Variants in PPARGC1A observed in about 807,000 individuals in gnomAD.
The protein encoded by PPARGC1A is peroxisome proliferator-activated receptor gamma coactivator 1-alpha.
In PPARGC1A, 25 loss-of-function variants were observed where a neutral mutation model predicts 88.7. The ratio of observed to expected loss-of-function variants is 0.28; its 90% CI spans 0.21 to 0.39. The LOEUF (loss-of-function observed/expected upper bound fraction) is 0.39, where lower values mean the gene tolerates loss of function less well. Ranked by LOEUF, PPARGC1A falls within the 10% of genes least tolerant of loss-of-function variation. The probability of loss-of-function intolerance (pLI) is 1.00; values close to 1 mark genes in which losing one functional copy is unlikely to be tolerated. For missense variants in PPARGC1A, 880 were observed against 968.7 expected (o/e 0.91, Z 1.22); for synonymous variants, 363 against 355.6 (o/e 1.02, Z -0.24).
chr4:24,277,917 G>A, the PPARGC1A span, among the ~76,000 whole-genome samples: 2 of 152,090 alleles, frequency 1.3e-5, no homozygotes, highest in African/African-American at 2.4e-5. Context: ...GCTCATACCC[G>A]TAACCCCAGG....
the PPARGC1A span, among the ~76,000 whole-genome samples, chr4:24,400,246 T>C: frequency 7.9e-5 from 12 of 152,296 alleles, no homozygotes; most frequent in East Asian, 1.5e-3. Context: ...GAGATTAACA[T>C]TGGAGTCAGA....
At chr4:23,902,808 A>T (rs1719566955), upstream of PPARGC1A, among the ~76,000 whole-genome samples, 1 of 152,208 alleles carries the variant, frequency 6.6e-6, no homozygotes, top group African/African-American at 2.4e-5. Flanking sequence ...TGTTGCATTT[A>T]TAATGTAGCT....
chr4:23,983,564 T>G, the PPARGC1A span, among the ~76,000 whole-genome samples: 544 of 152,198 alleles, frequency 3.6e-3, 6 homozygotes, highest in African/African-American at 0.012. Flanking sequence ...GGCCAAAATA[T>G]GTAAAGTTTG....
At chr4:23,934,717 C>A in the PPARGC1A span, among the ~76,000 whole-genome samples, 1 of 152,174 alleles carries the variant, frequency 6.6e-6, no homozygotes, top group African/African-American at 2.4e-5. Flanking sequence ...CTGAGTTAGG[C>A]ACTATGATAT....
At chr4:23,814,825 A>C (rs1387204727) in intron 7 of PPARGC1A, among the ~76,000 whole-genome samples, 1 of 152,094 alleles carries the variant, frequency 6.6e-6, no homozygotes, top group Non-Finnish European at 1.5e-5. Context: ...TACAGTGCTG[A>C]GCAGGAGGCT....
the PPARGC1A span, among the ~76,000 whole-genome samples, chr4:23,971,483 C>T: frequency 6.6e-6 from 1 of 152,270 alleles, no homozygotes; most frequent in Non-Finnish European, 1.5e-5. Context: ...CAGAGTCCCA[C>T]AATAGGCCGT....
chr4:24,386,055 A>C, the PPARGC1A span, among the ~76,000 whole-genome samples: 1 of 152,184 alleles, frequency 6.6e-6, no homozygotes, highest in Non-Finnish European at 1.5e-5. Flanking sequence ...TGATCAAGTC[A>C]GCTTCATCCC....
chr4:23,913,261 TATATATAGAGAG>T, the PPARGC1A span, among the ~76,000 whole-genome samples: 106 of 54,584 alleles, frequency 1.9e-3, no homozygotes, highest in Admixed American at 3.6e-3. Flanking sequence ...TATATATATA[TATATATAGAGAG>T]AGAGAGAGAG....
At chr4:23,804,722 G>A (rs543154737) in intron 10 of PPARGC1A, among the ~76,000 whole-genome samples, 3 of 152,130 alleles carry the variant, frequency 2.0e-5, no homozygotes, top group Admixed American at 6.5e-5. Context: ...GCTTCTATTA[G>A]TCTAGTATAT....
chr4:23,888,828 C>A (rs1388154342), intron 1 of PPARGC1A: 1 of 525,386 alleles, frequency 1.9e-6, no homozygotes, highest in Non-Finnish European at 2.4e-6. Context: ...GCTTGATCCT[C>A]CCCCTTACCC....
At chr4:24,299,865 T>C in the PPARGC1A span, among the ~76,000 whole-genome samples, 1 of 152,182 alleles carries the variant, frequency 6.6e-6, no homozygotes, top group Non-Finnish European at 1.5e-5. Flanking sequence ...TTCAGAAATA[T>C]AAAATGTTCG....
At chr4:23,954,713 A>C in the PPARGC1A span, among the ~76,000 whole-genome samples, 1 of 152,036 alleles carries the variant, frequency 6.6e-6, no homozygotes, top group African/African-American at 2.4e-5. Context: ...GGATTGTTTC[A>C]TATTCGGGGC....
intron 2 of PPARGC1A, among the ~76,000 whole-genome samples, chr4:23,879,103 T>C (rs1230608413): frequency 2.6e-5 from 4 of 152,220 alleles, no homozygotes; most frequent in Non-Finnish European, 5.9e-5. Flanking sequence ...AAAGTGATTA[T>C]TGTAAATTAA....
chr4:23,828,017 C>T (rs1468353349), intron 5 of PPARGC1A, among the ~76,000 whole-genome samples: 1 of 152,080 alleles, frequency 6.6e-6, no homozygotes, highest in Non-Finnish European at 1.5e-5. Flanking sequence ...ATCACTGGTG[C>T]CTCATTTTTT....
chr4:24,423,730 A>G, the PPARGC1A span, among the ~76,000 whole-genome samples: 1 of 152,222 alleles, frequency 6.6e-6, no homozygotes, highest in East Asian at 1.9e-4. Context: ...ACAATTCATT[A>G]CCTGTCTCAG....
chr4:24,050,953 C>CG, the PPARGC1A span, among the ~76,000 whole-genome samples: 1 of 151,954 alleles, frequency 6.6e-6, no homozygotes, highest in Non-Finnish European at 1.5e-5. Context: ...TTTGGGAGGC[C>CG]AAGGTGGGCA....
the PPARGC1A span, among the ~76,000 whole-genome samples, chr4:24,172,783 C>A: frequency 2.6e-5 from 4 of 152,164 alleles, no homozygotes; most frequent in Non-Finnish European, 5.9e-5. Flanking sequence ...CGGCACTTTA[C>A]CCTTGCTGGT....
the PPARGC1A span, among the ~76,000 whole-genome samples, chr4:23,976,022 A>G: frequency 6.6e-6 from 1 of 152,216 alleles, no homozygotes; most frequent in Non-Finnish European, 1.5e-5. Context: ...GAAGATAGCA[A>G]TGAGAACAAT....
chr4:24,425,377 G>A, the PPARGC1A span, among the ~76,000 whole-genome samples: 1 of 151,980 alleles, frequency 6.6e-6, no homozygotes, highest in Non-Finnish European at 1.5e-5. Context: ...TCTCTAGCTT[G>A]GATTATTATT....
Sources: allele counts gnomAD v4.1 joint callset (sites outside exome capture counted in the v4.1 genomes callset), GRCh38; gene constraint gnomAD v4.1.1; transcripts MANE v1.5; gene names NCBI Gene and HGNC (gene_info 2026-07-23, HGNC 2026-07-21).